Variants in GARNL3 observed in about 807,000 individuals in gnomAD.
GARNL3 encodes GTPase-activating Rap/Ran-GAP domain-like protein 3.
Under a neutral mutation model 125.0 loss-of-function variants are expected in GARNL3, and 63 were observed. The observed-to-expected ratio is 0.50, with a 90% CI of 0.41 to 0.62. The LOEUF is 0.62. GARNL3 is among the 20% of genes least tolerant of loss of function. GARNL3 has a pLI of 0.00. For synonymous variants in GARNL3, 439 were observed against 457.5 expected, an observed-to-expected ratio of 0.96 and a Z score of 0.52; for missense variants, 994 against 1,244.0, an observed-to-expected ratio of 0.80 and a Z score of 3.02.
At chr9:127,367,270 C>T (rs980632221) in intron 22 of GARNL3, 3 of 152,184 alleles carry the variant, frequency 2.0e-5, no homozygotes, top group African/African-American at 4.8e-5. Flanking sequence ...TGATCACAGA[C>T]GCCTGTACAA....
At chr9:127,278,086 A>G (rs898322681) in intron 1 of GARNL3, among the ~76,000 whole-genome samples, 1 of 152,154 alleles carries the variant, frequency 6.6e-6, no homozygotes, top group Non-Finnish European at 1.5e-5. Flanking sequence ...TTTTGTGTGT[A>G]TGTGCATGTG....
chr9:127,379,222 C>T (rs1188035080), intron 22 of GARNL3, among the ~76,000 whole-genome samples: 1 of 152,104 alleles, frequency 6.6e-6, no homozygotes, highest in Non-Finnish European at 1.5e-5. Flanking sequence ...AATGGAAAGT[C>T]CTTGGTTAGA....
intron 2 of GARNL3, among the ~76,000 whole-genome samples, chr9:127,254,588 G>A (rs2063463410): frequency 6.6e-6 from 1 of 152,068 alleles, no homozygotes; most frequent in East Asian, 1.9e-4. Flanking sequence ...GGCCAACATG[G>A]TGAAACCCCG....
At chr9:127,323,269 G>T (rs574030941) in intron 6 of GARNL3, among the ~76,000 whole-genome samples, 1 of 152,276 alleles carries the variant, frequency 6.6e-6, no homozygotes, top group East Asian at 1.9e-4. Context: ...TCAGGAACAA[G>T]AATATTTTAA....
At position 127,280,916 on chromosome 9, in the gene GARNL3, T is replaced by C. The variant is rs970404903; in HGVS notation, c.145-10252T>C. ...ATAAGGTGGAGGATGTGATGGGAAG[T>C]ACAAAAATAATGGCTCAGAAGATTG... On this transcript the variant is annotated intron_variant, in intron 1 of 27. Transcript: ENST00000373387. This position sits in a 1 kb window ranked among gnomAD's most constrained non-coding sequence, Gnocchi z 4.5. Among the ~76,000 whole-genome samples the C allele has an allele frequency of 6.6e-6, 1 of 152,122 alleles. No individual in the cohort carries two copies. The highest frequency in any genetic ancestry group is 2.4e-5 in the African/African-American group (1 of 41,416).
chr9:127,359,252 G>A (rs1027927101), intron 21 of GARNL3, among the ~76,000 whole-genome samples: 2 of 152,154 alleles, frequency 1.3e-5, no homozygotes, highest in Non-Finnish European at 2.9e-5. Flanking sequence ...CACTTTGGGC[G>A]GCCAAGGCCG....
At chr9:127,252,666 C>T (rs2063426818) in intron 2 of GARNL3, among the ~76,000 whole-genome samples, 1 of 152,206 alleles carries the variant, frequency 6.6e-6, no homozygotes. Flanking sequence ...AATTTCTCTA[C>T]ACATGTAGAT....
chr9:127,286,647 C>T (rs1328086154), intron 1 of GARNL3, among the ~76,000 whole-genome samples: 1 of 152,182 alleles, frequency 6.6e-6, no homozygotes, highest in East Asian at 1.9e-4. Flanking sequence ...CATCTGAAAG[C>T]TGATTATAGA....
At chr9:127,294,374 G>A (rs902514006) in intron 2 of GARNL3, among the ~76,000 whole-genome samples, 3 of 152,036 alleles carry the variant, frequency 2.0e-5, no homozygotes, top group East Asian at 1.9e-4. Flanking sequence ...ACACTATCTC[G>A]GCTCACTGCA....
intron 1 of GARNL3, among the ~76,000 whole-genome samples, chr9:127,278,687 G>A (rs2064022277): frequency 2.0e-5 from 3 of 152,172 alleles, no homozygotes; most frequent in Admixed American, 2.0e-4. Context: ...GGGTGGCTGG[G>A]TCACTTAAAA....
chr9:127,311,116 C>T (rs144761362), intron 2 of GARNL3, among the ~76,000 whole-genome samples: 1 of 151,494 alleles, frequency 6.6e-6, no homozygotes, highest in East Asian at 1.9e-4. Context: ...AGTATAGAGC[C>T]AATAACACAG....
chr9:127,317,640 C>A (rs984729133), intron 4 of GARNL3, among the ~76,000 whole-genome samples: 3 of 151,814 alleles, frequency 2.0e-5, no homozygotes, highest in Admixed American at 1.3e-4. Context: ...TCGCTTGAAC[C>A]CAGGAGGCAG....
chr9:127,236,753 C>T (rs1013934576), intron 1 of GARNL3, among the ~76,000 whole-genome samples: 4 of 152,208 alleles, frequency 2.6e-5, no homozygotes, highest in African/African-American at 4.8e-5. Flanking sequence ...TGCTCCTCAA[C>T]ATTTCTTTGC....
At chr9:127,261,393 TGTTTTTTTTGTTG>T (rs1409632665), upstream of GARNL3, among the ~76,000 whole-genome samples, 1 of 148,014 alleles carries the variant, frequency 6.8e-6, no homozygotes, top group Non-Finnish European at 1.5e-5. Flanking sequence ...CATGGGAAGG[TGTTTTTTTTGTTG>T]GTTTTTTTTT....
At chr9:127,234,084 C>T (rs28535479) in intron 1 of GARNL3, among the ~76,000 whole-genome samples, 25,144 of 152,136 alleles carry the variant, frequency 0.17, 6,392 homozygotes, top group African/African-American at 0.55. Flanking sequence ...AAAACAGCAG[C>T]CTTCTTGGGA....
At chr9:127,229,013 G>C (rs1481859084) in intron 1 of GARNL3, among the ~76,000 whole-genome samples, 1 of 152,048 alleles carries the variant, frequency 6.6e-6, no homozygotes, top group Non-Finnish European at 1.5e-5. Flanking sequence ...AGTAGAGACC[G>C]GGGTTTCACC....
At chr9:127,226,388 C>T (rs1269553486) in intron 1 of GARNL3, among the ~76,000 whole-genome samples, 1 of 152,244 alleles carries the variant, frequency 6.6e-6, no homozygotes, top group Non-Finnish European at 1.5e-5. Context: ...TCACCCTTGG[C>T]GCTCCAGCAG....
rs192449291 is a variant in GARNL3, at chr9:127,255,166, A to G, written c.144-9786A>G. On this transcript the variant is annotated intron_variant, in intron 2 of 10. Transcript: ENST00000439286. Reference sequence around the variant, plus strand: ...ACTCCTGGGTATGGAATCTAGGGATATGATTGCACTGGTATTCAAGGTGGC... The same window carrying G: ...ACTCCTGGGTATGGAATCTAGGGATGTGATTGCACTGGTATTCAAGGTGGC... 2.6e-4 allele frequency among the ~76,000 whole-genome samples: 39 copies of G among 152,364 alleles called. 1 individual carries two copies. Among genetic ancestry groups the G allele is most frequent in the Non-Finnish European group, 3.4e-4 (23 of 68,034 alleles).
intron 13 of GARNL3, among the ~76,000 whole-genome samples, chr9:127,339,955 C>T (rs1247781067): frequency 6.6e-6 from 1 of 152,162 alleles, no homozygotes; most frequent in African/African-American, 2.4e-5. Flanking sequence ...CATCCTGTCA[C>T]CTGCCTTGAA....
Sources: allele counts gnomAD v4.1 joint callset (sites outside exome capture counted in the v4.1 genomes callset), GRCh38; gene constraint gnomAD v4.1.1; non-coding constraint Gnocchi (gnomAD v3.1); transcripts MANE v1.5; gene names NCBI Gene and HGNC (gene_info 2026-07-23, HGNC 2026-07-21).